NDE1: variants seen among roughly 807,000 people sequenced by gnomAD.
NDE1 encodes the protein nudE neurodevelopment protein 1.
Under a neutral mutation model 43.4 loss-of-function variants are expected in NDE1, and 28 were observed. The ratio of observed to expected loss-of-function variants is 0.65; its 90% CI spans 0.48 to 0.89. The LOEUF is 0.89. Ranked by LOEUF, NDE1 falls within the 40% of genes least tolerant of loss-of-function variation. NDE1 has a pLI of 0.00. For synonymous variants in NDE1, 184 were observed against 172.0 expected, an observed-to-expected ratio of 1.07 and a Z score of -0.55; for missense variants, 441 against 434.1, an observed-to-expected ratio of 1.02 and a Z score of -0.14.
At chr16:15,653,826 C>CA (rs2036621259) in intron 1 of NDE1, among the ~76,000 whole-genome samples, 1 of 151,782 alleles carries the variant, frequency 6.6e-6, no homozygotes, top group Non-Finnish European at 1.5e-5. Context: ...CTCCCATGCT[C>CA]AAGTGATCCT....
chr16:15,721,380 C>T lies in NDE1; in HGVS notation c.948-2811C>T, dbSNP rs772213227. 2.0e-5 allele frequency: 32 copies of T among 1,596,434 alleles called. No homozygotes were observed. The East Asian group carries it at 6.5e-4, about 32-fold the overall frequency. ...ACTGGTGAATAGCACAGAGGGTGGGCAGGCGAAACATGGACGAGAAAAACC... is the reference window on the plus strand; with the variant it reads ...ACTGGTGAATAGCACAGAGGGTGGGTAGGCGAAACATGGACGAGAAAAACC... On this transcript the variant is annotated intron_variant, in intron 8 of 8. Coordinates refer to ENST00000396354, the MANE Select transcript of NDE1 (RefSeq NM_017668.3).
chr16:15,718,515 T>C, intron 8 of NDE1: 4 of 1,518,716 alleles, frequency 2.6e-6, no homozygotes, highest in Non-Finnish European at 1.8e-6. Flanking sequence ...GAGTCATGCC[T>C]CAGGGGTATT....
chr16:15,657,379 A>G (rs2036823649), intron 1 of NDE1, among the ~76,000 whole-genome samples: 1 of 152,116 alleles, frequency 6.6e-6, no homozygotes. Flanking sequence ...GATTACAGGC[A>G]TGAGCCAACG....
chr16:15,718,973 TAAA>T (rs2151202702), intron 8 of NDE1: 1 of 508,480 alleles, frequency 2.0e-6, no homozygotes, highest in East Asian at 3.8e-5. Context: ...ACTAAAAATA[TAAA>T]AATTAGCCAG....
chr16:15,684,289 A>G (rs2038324695), intron 4 of NDE1: 2 of 151,458 alleles, frequency 1.3e-5, no homozygotes, highest in Non-Finnish European at 2.9e-5. Flanking sequence ...GGTTGCAGGG[A>G]AATTCAGAAA....
At chr16:15,690,353 CTTTTTTTTTTTTT>C (rs869069843) in intron 5 of NDE1, among the ~76,000 whole-genome samples, 3 of 80,948 alleles carry the variant, frequency 3.7e-5, no homozygotes, top group African/African-American at 1.0e-4. Context: ...TTTTTTTTTT[CTTTTTTTTTTTTT>C]TTTTTTTTTT....
chr16:15,684,926 G>C (rs1237280652), intron 4 of NDE1, among the ~76,000 whole-genome samples: 16 of 152,216 alleles, frequency 1.1e-4, no homozygotes, highest in Admixed American at 1.0e-3. Context: ...GGTAGAGCTA[G>C]TTCCCTGATC....
chr16:15,657,200 C>T (rs561353916), intron 1 of NDE1, among the ~76,000 whole-genome samples: 1 of 151,520 alleles, frequency 6.6e-6, no homozygotes, highest in East Asian at 2.0e-4. Flanking sequence ...TGGGTTCAAG[C>T]GATTTTCCTG....
chr16:15,652,963 T>C (rs918932024), intron 1 of NDE1, among the ~76,000 whole-genome samples: 5 of 152,148 alleles, frequency 3.3e-5, no homozygotes, highest in African/African-American at 4.8e-5. Context: ...GCGCCTGGCC[T>C]AAGCTTTTTA....
chr16:15,705,983 T>TAAAAAAAAAA (rs1487522901), intron 8 of NDE1, among the ~76,000 whole-genome samples: 1 of 8,908 alleles, frequency 1.1e-4, no homozygotes, highest in Admixed American at 1.2e-3. Flanking sequence ...AGACTCCGTC[T>TAAAAAAAAAA]CAAAAAAAAA....
chr16:15,707,417 A>G (rs564661047), intron 8 of NDE1, among the ~76,000 whole-genome samples: 37 of 152,288 alleles, frequency 2.4e-4, no homozygotes, highest in African/African-American at 7.7e-4. Context: ...GCAAGGACTC[A>G]GTTTCCCACT....
chr16:15,688,649 A>C (rs1232973113), intron 5 of NDE1, among the ~76,000 whole-genome samples: 1 of 147,960 alleles, frequency 6.8e-6, no homozygotes, highest in African/African-American at 2.5e-5. Flanking sequence ...AAAAAAAAAA[A>C]AAAAGACATT....
At chr16:15,715,154 C>T in intron 8 of NDE1, 2 of 1,613,238 alleles carry the variant, frequency 1.2e-6, no homozygotes, top group Non-Finnish European at 1.7e-6. Context: ...GGCTGGGTGG[C>T]AGGGGCTACC....
intron 4 of NDE1, 69 bp from the exon 5 acceptor site, chr16:15,687,306 C>G: frequency 2.5e-6 from 4 of 1,611,652 alleles, no homozygotes; most frequent in Non-Finnish European, 3.4e-6. Flanking sequence ...TTCGCACCTC[C>G]TGGATCCGCG....
At chr16:15,704,766 G>A (rs1204377059) in intron 8 of NDE1, among the ~76,000 whole-genome samples, 2 of 152,216 alleles carry the variant, frequency 1.3e-5, no homozygotes, top group East Asian at 1.9e-4. Flanking sequence ...TTTGCTGATC[G>A]TGGAACATAC....
At chr16:15,685,007 C>T (rs1325911873) in intron 4 of NDE1, among the ~76,000 whole-genome samples, 2 of 152,110 alleles carry the variant, frequency 1.3e-5, no homozygotes, top group Non-Finnish European at 2.9e-5. Context: ...CCAGTTTATT[C>T]CCCCAGTAGA....
intron 8 of NDE1, among the ~76,000 whole-genome samples, chr16:15,700,805 T>C (rs980073675): frequency 1.3e-5 from 2 of 152,114 alleles, no homozygotes; most frequent in African/African-American, 4.8e-5. Context: ...AAATGTGGGA[T>C]GGAGCTTCTC....
chr16:15,723,201 G>A (rs1038947475), intron 8 of NDE1, among the ~76,000 whole-genome samples: 1 of 152,132 alleles, frequency 6.6e-6, no homozygotes, highest in Non-Finnish European at 1.5e-5. Context: ...TCACATGTAA[G>A]TTTTACCCCA....
rs533378802 is a variant in NDE1 at position 15,687,014 on chromosome 16, A to G, written c.387-361A>G. On this transcript the variant is annotated intron_variant, in intron 4 of 8. Coordinates refer to ENST00000396354, the MANE Select transcript of NDE1 (RefSeq NM_017668.3). ...GCCCAGTCATATTAGGTTATTTTTAATGCTGGTTGGCATTGTGAGCTTGCA... is the reference window on the plus strand; with the variant it reads ...GCCCAGTCATATTAGGTTATTTTTAGTGCTGGTTGGCATTGTGAGCTTGCA... 2.7e-5 allele frequency: 27 copies of G among 985,384 alleles called. No homozygotes were observed. The South Asian group carries it at 1.0e-3, about 38-fold the overall frequency. The allele number at this position is 985,384 out of a possible 1,614,324, so 61.0% of individuals were successfully genotyped here. A position where few individuals can be genotyped will look rare whatever the true frequency, so the allele number is the denominator to read the frequency against.
Sources: allele counts gnomAD v4.1 joint callset (sites outside exome capture counted in the v4.1 genomes callset), GRCh38; gene constraint gnomAD v4.1.1; transcripts MANE v1.5; gene names NCBI Gene and HGNC (gene_info 2026-07-23, HGNC 2026-07-21).